Variants in CNTN6 observed in about 807,000 individuals in gnomAD.
CNTN6 encodes the protein contactin-6.
Under a neutral mutation model 122.8 loss-of-function variants are expected in CNTN6, and 137 were observed. The ratio of observed to expected loss-of-function variants is 1.12; its 90% CI spans 0.97 to 1.29. The LOEUF (loss-of-function observed/expected upper bound fraction) is 1.29. Ranked by LOEUF, CNTN6 falls within the 50% of genes most tolerant of loss-of-function variation. The pLI is 0.00. For synonymous variants in CNTN6, 570 were observed against 426.0 expected, an observed-to-expected ratio of 1.34 and a Z score of -4.16; for missense variants, 1,634 against 1,223.4, an observed-to-expected ratio of 1.34 and a Z score of -5.01.
intron 20 of CNTN6, among the ~76,000 whole-genome samples, chr3:1,393,661 A>C (rs1037790132): frequency 6.6e-6 from 1 of 151,622 alleles, no homozygotes; most frequent in Non-Finnish European, 1.5e-5. Context: ...AAAAAAAAAA[A>C]CACATTGTAT....
intron 1 of CNTN6, among the ~76,000 whole-genome samples, chr3:1,108,359 T>G (rs1416220307): frequency 6.6e-6 from 1 of 152,096 alleles, no homozygotes; most frequent in African/African-American, 2.4e-5. Flanking sequence ...GTATTTTATA[T>G]AAGCTTTATA....
chr3:1,327,421 C>A, intron 9 of CNTN6, 36 bp from the exon 10 acceptor site: 1 of 1,591,856 alleles, frequency 6.3e-7, no homozygotes. Context: ...GCTATATTAA[C>A]GTACAAGCAT....
intron 4 of CNTN6, among the ~76,000 whole-genome samples, chr3:1,244,029 C>G (rs1167847328): frequency 1.3e-5 from 2 of 152,104 alleles, no homozygotes; most frequent in Non-Finnish European, 1.5e-5. Context: ...AGACCATTTG[C>G]CCATTTTTCG....
chr3:1,227,849 A>C lies in CNTN6; in HGVS notation c.214A>C (p.Thr72Pro). Residue 72 changes from threonine to proline, a missense_variant, in exon 4 of 23, where the codon ACT (threonine) becomes CCT (proline). Coordinates refer to ENST00000446702, the MANE Select transcript of CNTN6 (RefSeq NM_001289080.2). The part of the protein sequence containing the change: ...WKQNGTDIDF[T>P]MSYHYRLDGG... Reference sequence around the variant, plus strand: ...GCAAAATGGCACAGACATTGATTTTACTATGAGTTATCACTACAGGTTGGA... The same window carrying C: ...GCAAAATGGCACAGACATTGATTTTCCTATGAGTTATCACTACAGGTTGGA... 1 of 1,613,894 alleles carries C rather than the reference A, an allele frequency of 6.2e-7. No homozygotes were observed. The highest frequency in any genetic ancestry group is 8.5e-7 in the Non-Finnish European group (1 of 1,179,952).
At chr3:1,350,840 A>AT (rs1705511613) in intron 11 of CNTN6, among the ~76,000 whole-genome samples, 1 of 151,840 alleles carries the variant, frequency 6.6e-6, no homozygotes, top group South Asian at 2.1e-4. Flanking sequence ...AGATGCACCC[A>AT]AAAGCTTCTC....
chr3:1,273,148 C>T (rs946548423), intron 4 of CNTN6, among the ~76,000 whole-genome samples: 1 of 152,146 alleles, frequency 6.6e-6, no homozygotes, highest in Non-Finnish European at 1.5e-5. Flanking sequence ...ATCAGAATGG[C>T]TTAATGAGAG....
At chr3:1,253,975 A>G (rs1575435647) in intron 4 of CNTN6, among the ~76,000 whole-genome samples, 1 of 152,180 alleles carries the variant, frequency 6.6e-6, no homozygotes, top group East Asian at 1.9e-4. Context: ...GTCTCTGCGC[A>G]CACACATAAA....
At chr3:1,206,465 G>A (rs2093959288) in intron 2 of CNTN6, among the ~76,000 whole-genome samples, 1 of 152,056 alleles carries the variant, frequency 6.6e-6, no homozygotes, top group African/African-American at 2.4e-5. Context: ...CACCACCAGG[G>A]TGTCACTCAA....
At chr3:1,362,193 C>G (rs1707563776) in intron 12 of CNTN6, among the ~76,000 whole-genome samples, 1 of 151,984 alleles carries the variant, frequency 6.6e-6, no homozygotes, top group Non-Finnish European at 1.5e-5. Context: ...TAATTGCATG[C>G]TTGAAAAAGT....
At chr3:1,195,191 C>A (rs563361378) in intron 2 of CNTN6, among the ~76,000 whole-genome samples, 1 of 152,244 alleles carries the variant, frequency 6.6e-6, no homozygotes, top group African/African-American at 2.4e-5. Context: ...ACATTGTATT[C>A]TTTTCCATGG....
chr3:1,143,361 T>C (rs1297728649), intron 1 of CNTN6, among the ~76,000 whole-genome samples: 1 of 152,162 alleles, frequency 6.6e-6, no homozygotes, highest in Non-Finnish European at 1.5e-5. Flanking sequence ...CAAATTATCA[T>C]TTAAAAGACC....
chr3:1,180,223 G>C (rs1292056664), intron 2 of CNTN6, among the ~76,000 whole-genome samples: 2 of 152,154 alleles, frequency 1.3e-5, no homozygotes, highest in Admixed American at 1.3e-4. Context: ...AAGAGAGAGA[G>C]AGACAGTGAG....
intron 4 of CNTN6, among the ~76,000 whole-genome samples, chr3:1,240,359 A>T (rs2094466990): frequency 6.6e-6 from 1 of 152,240 alleles, no homozygotes; most frequent in African/African-American, 2.4e-5. Context: ...AAAGTGGGCT[A>T]AGGACATGAA....
At chr3:1,200,922 GTTC>G (rs748828105) in intron 2 of CNTN6, among the ~76,000 whole-genome samples, 2 of 145,440 alleles carry the variant, frequency 1.4e-5, no homozygotes, top group African/African-American at 2.6e-5. Context: ...TGTTTCTTTC[GTTC>G]TTTTTTTCTT....
At chr3:1,257,488 C>T (rs183406224) in intron 4 of CNTN6, among the ~76,000 whole-genome samples, 2 of 152,030 alleles carry the variant, frequency 1.3e-5, no homozygotes, top group East Asian at 3.9e-4. Context: ...TCGAGGCCTT[C>T]GATTCACCTT....
At chr3:1,245,071 G>C (rs548260654) in intron 4 of CNTN6, among the ~76,000 whole-genome samples, 1 of 148,246 alleles carries the variant, frequency 6.7e-6, no homozygotes, top group Admixed American at 6.9e-5. Context: ...CGATGGCCTG[G>C]TCTGGGCTCA....
chr3:1,139,384 A>G (rs1043904088), intron 1 of CNTN6, among the ~76,000 whole-genome samples: 2 of 152,162 alleles, frequency 1.3e-5, no homozygotes, highest in Admixed American at 1.3e-4. Context: ...TACTTGCTTC[A>G]GGAAATTCTT....
At chr3:1,184,986 T>C (rs971935167) in intron 2 of CNTN6, among the ~76,000 whole-genome samples, 1 of 152,152 alleles carries the variant, frequency 6.6e-6, no homozygotes, top group East Asian at 1.9e-4. Flanking sequence ...ATTACGTTAA[T>C]GTACACTTGG....
intron 1 of CNTN6, among the ~76,000 whole-genome samples, chr3:1,144,851 G>A (rs960027257): frequency 4.6e-5 from 7 of 152,126 alleles, no homozygotes; most frequent in African/African-American, 1.2e-4. Context: ...GGGCACACAG[G>A]AAATTGTACC....
Sources: gnomAD v4.1 joint callset for allele counts (sites outside exome capture counted in the v4.1 genomes callset) on GRCh38, gnomAD v4.1.1 for gene constraint, MANE v1.5 for transcripts, NCBI Gene and HGNC (gene_info 2026-07-23, HGNC 2026-07-21) for gene names.